CSMD1: variants seen among roughly 807,000 people sequenced by gnomAD.
The protein encoded by CSMD1 is CUB and sushi domain-containing protein 1.
In CSMD1, 213 loss-of-function variants were observed where a neutral mutation model predicts 417.5. That is an observed-to-expected ratio of 0.51 (90% CI 0.46 to 0.57). The LOEUF is 0.57. CSMD1 is among the 20% of genes least tolerant of loss of function. The pLI, the probability that CSMD1 is intolerant of heterozygous loss-of-function variation, is 0.00. For missense variants in CSMD1, 6,923 were observed against 4,529.7 expected (o/e 1.53, Z -15.17); for synonymous variants, 2,862 against 1,736.8 (o/e 1.65, Z -16.11).
intron 4 of CSMD1, among the ~76,000 whole-genome samples, chr8:4,002,235 G>A (rs1232209569): frequency 6.6e-6 from 1 of 152,046 alleles, no homozygotes; most frequent in South Asian, 2.1e-4. Context: ...GTGCATGTGT[G>A]TGCGTGTGTT....
intron 1 of CSMD1, among the ~76,000 whole-genome samples, chr8:4,823,200 T>C (rs1799616272): frequency 6.6e-6 from 1 of 152,078 alleles, no homozygotes; most frequent in African/African-American, 2.4e-5. Flanking sequence ...TAGGTTCTTA[T>C]TAGGTTTAAT....
rs532126769 is a variant in CSMD1, at chr8:3,998,077, G to A, written c.644C>T (p.Thr215Ile). 1.3e-6 allele frequency: 2 copies of A among 1,586,570 alleles called. No homozygotes were observed. Among genetic ancestry groups the A allele is most frequent in the African/African-American group, 1.3e-5 (1 of 74,510 alleles). ...EGACGGTLRG[T>I]SSSISSPHFP... ...GTGCGGGCTGGAGATGGAGCTGCTG[G>A]TCCCGCGTAAGGTTCCTCCGCAGGC... The change falls in exon 5 of 70, where the codon ACC becomes ATC. Residue 215 changes from threonine to isoleucine, a missense_variant. Transcript: ENST00000635120.
chr8:4,114,853 C>A (rs184113460), intron 3 of CSMD1, among the ~76,000 whole-genome samples: 49 of 152,266 alleles, frequency 3.2e-4, no homozygotes, highest in African/African-American at 1.0e-3. Context: ...GACTGAATTG[C>A]TGCAATCTCA....
At chr8:4,392,469 G>T (rs1438836845) in intron 3 of CSMD1, among the ~76,000 whole-genome samples, 1 of 152,070 alleles carries the variant, frequency 6.6e-6, no homozygotes, top group African/African-American at 2.4e-5. Flanking sequence ...CAGTCCATTG[G>T]CATCAAACAC....
intron 3 of CSMD1, among the ~76,000 whole-genome samples, chr8:4,362,278 G>A (rs1193790576): frequency 6.6e-6 from 1 of 152,080 alleles, no homozygotes; most frequent in Non-Finnish European, 1.5e-5. Flanking sequence ...AACACAAGCA[G>A]TGGACTCCTC....
chr8:3,970,051 A>T (rs1392348476), intron 5 of CSMD1, among the ~76,000 whole-genome samples: 2 of 152,232 alleles, frequency 1.3e-5, no homozygotes, highest in Admixed American at 6.5e-5. Context: ...CTGAGCTACC[A>T]AACTACTAAG....
intron 2 of CSMD1, among the ~76,000 whole-genome samples, chr8:4,452,722 C>T (rs77584844): frequency 0.11 from 16,122 of 152,008 alleles, 1,084 homozygotes; most frequent in South Asian, 0.22. Context: ...TAAATCAACA[C>T]GGACACAGAC....
At chr8:3,963,118 G>T (rs532393210) in intron 5 of CSMD1, among the ~76,000 whole-genome samples, 3 of 152,162 alleles carry the variant, frequency 2.0e-5, no homozygotes, top group African/African-American at 7.2e-5. Context: ...TTTTAGTAGA[G>T]ACGGGGTTTT....
At chr8:3,853,110 C>G (rs906871836) in intron 5 of CSMD1, among the ~76,000 whole-genome samples, 2 of 152,132 alleles carry the variant, frequency 1.3e-5, no homozygotes, top group African/African-American at 4.8e-5. Context: ...ATTCTTGATC[C>G]AAAAGCAGCA....
chr8:4,088,937 G>A (rs1174693202), intron 3 of CSMD1, among the ~76,000 whole-genome samples: 1 of 152,110 alleles, frequency 6.6e-6, no homozygotes, highest in African/African-American at 2.4e-5. Context: ...CCCTGCCAAG[G>A]TCTTTCCTGA....
At chr8:4,044,548 T>A (rs1163297294) in intron 3 of CSMD1, among the ~76,000 whole-genome samples, 2 of 152,202 alleles carry the variant, frequency 1.3e-5, no homozygotes, top group Non-Finnish European at 2.9e-5. Context: ...ATTCCATCTG[T>A]GATTCTACCA....
At chr8:3,986,608 C>A (rs1585083755) in intron 5 of CSMD1, among the ~76,000 whole-genome samples, 1 of 152,110 alleles carries the variant, frequency 6.6e-6, no homozygotes. Context: ...CCAAGCCATG[C>A]AACATACCTA....
chr8:4,505,085 T>G (rs1802451412), intron 2 of CSMD1, among the ~76,000 whole-genome samples: 1 of 152,190 alleles, frequency 6.6e-6, no homozygotes, highest in Admixed American at 6.5e-5. Context: ...TGAACTAATT[T>G]ACACTCCTAC....
At chr8:4,203,162 G>A (rs770310191) in intron 3 of CSMD1, among the ~76,000 whole-genome samples, 6 of 152,146 alleles carry the variant, frequency 3.9e-5, no homozygotes, top group South Asian at 2.1e-4. Flanking sequence ...CAGGTCAGAG[G>A]GACATGTCAT....
intron 1 of CSMD1, among the ~76,000 whole-genome samples, chr8:4,826,828 A>G (rs1001861380): frequency 3.9e-5 from 6 of 152,170 alleles, no homozygotes; most frequent in Non-Finnish European, 5.9e-5. Flanking sequence ...TTACGACTCT[A>G]TAACATTTAT....
intron 3 of CSMD1, among the ~76,000 whole-genome samples, chr8:4,279,845 G>C (rs760425851): frequency 6.6e-6 from 1 of 152,148 alleles, no homozygotes; most frequent in Non-Finnish European, 1.5e-5. Flanking sequence ...GCCTGCAGCA[G>C]CTCACTGTCA....
intron 3 of CSMD1, among the ~76,000 whole-genome samples, chr8:4,032,487 C>T (rs1308322271): frequency 6.6e-6 from 1 of 152,160 alleles, no homozygotes; most frequent in East Asian, 1.9e-4. Context: ...AAAACAGTGG[C>T]ATAAGAAATA....
intron 3 of CSMD1, among the ~76,000 whole-genome samples, chr8:4,256,100 T>G (rs1036213718): frequency 6.6e-6 from 1 of 152,242 alleles, no homozygotes; most frequent in Non-Finnish European, 1.5e-5. Flanking sequence ...AATCCCAGAC[T>G]ACTTTGCTCC....
chr8:4,260,231 T>G (rs1030243018), intron 3 of CSMD1, among the ~76,000 whole-genome samples: 29 of 152,202 alleles, frequency 1.9e-4, no homozygotes, highest in African/African-American at 6.3e-4. Flanking sequence ...ACTACCTCTT[T>G]GCTATTTCAA....
Sources: gnomAD v4.1 joint callset for allele counts (sites outside exome capture counted in the v4.1 genomes callset) on GRCh38, gnomAD v4.1.1 for gene constraint, MANE v1.5 for transcripts, NCBI Gene and HGNC (gene_info 2026-07-23, HGNC 2026-07-21) for gene names.